Variants in LRFN2 observed in about 807,000 individuals in gnomAD.
LRFN2 encodes the protein leucine rich repeat and fibronectin type III domain containing 2, also known as leucine-rich repeat and fibronectin type-III domain-containing protein 2.
Under a neutral mutation model 37.3 loss-of-function variants are expected in LRFN2, and 18 were observed. The ratio of observed to expected loss-of-function variants is 0.48; its 90% CI spans 0.33 to 0.72. The LOEUF (loss-of-function observed/expected upper bound fraction) is 0.72. LRFN2 is among the 30% of genes least tolerant of loss of function. The pLI is 0.02. For missense variants in LRFN2, 1,006 were observed against 1,060.7 expected (o/e 0.95, Z 0.72); for synonymous variants, 556 against 466.6 (o/e 1.19, Z -2.47).
At chr6:40,519,030 A>C (rs1277578273) in intron 1 of LRFN2, among the ~76,000 whole-genome samples, 1 of 152,058 alleles carries the variant, frequency 6.6e-6, no homozygotes, top group Non-Finnish European at 1.5e-5. Context: ...ACCAGGGCAA[A>C]CCCCAGGGGT....
At chr6:40,461,326 T>G (rs1375209388) in intron 1 of LRFN2, among the ~76,000 whole-genome samples, 2 of 152,068 alleles carry the variant, frequency 1.3e-5, no homozygotes, top group Non-Finnish European at 2.9e-5. Flanking sequence ...GAGGATTGCT[T>G]GAGCCAAGGA....
chr6:40,574,824 G>A (rs1216030593), intron 1 of LRFN2, among the ~76,000 whole-genome samples: 1 of 152,106 alleles, frequency 6.6e-6, no homozygotes, highest in African/African-American at 2.4e-5. Flanking sequence ...CTCTGCCAAG[G>A]ATGGCTCCTT....
chr6:40,399,626 C>T (rs566697448), intron 2 of LRFN2, among the ~76,000 whole-genome samples: 6 of 150,974 alleles, frequency 4.0e-5, no homozygotes, highest in Admixed American at 1.3e-4. Flanking sequence ...TGAGTAGAGG[C>T]GGGGTTTCAC....
Position 40,431,758 on chromosome 6 carries a change from G to A in LRFN2, c.1356C>T (p.Tyr452=), listed in dbSNP as rs765421977. The A allele has an allele frequency of 6.6e-6, 10 of 1,524,604 alleles. No homozygotes were observed. Among genetic ancestry groups the A allele is most frequent in the Non-Finnish European group, 8.8e-6 (10 of 1,136,562 alleles). 94.4% of individuals were successfully genotyped at this position (1,524,604 alleles called of 1,614,324 possible). The change falls in exon 2 of 3, where the codon TAC becomes TAT. Residue 452 remains tyrosine, a synonymous_variant. Transcript: ENST00000338305. ...VSKSAPRVKM[Y]QLQYNCSDDE... is the part of the protein sequence containing the mutation. ...CGTCAGAGCAGTTGTACTGCAGCTG[G>A]TACATCTTCACCCGGGGTGCTGACT...
At chr6:40,413,836 C>T (rs904753494) in intron 2 of LRFN2, among the ~76,000 whole-genome samples, 1 of 150,658 alleles carries the variant, frequency 6.6e-6, no homozygotes, top group Non-Finnish European at 1.5e-5. Context: ...CTTGTTCCTC[C>T]TTATGTGCAG....
Position 40,468,508 on chromosome 6 carries a change from T to C in LRFN2, c.-18-35377A>G, listed in dbSNP as rs530200473. ...CAGATGTAGGTCACAGCCAAGCTTT[T>C]GTTTTGGGTGGTGGGATTGTGTGCA... is the stretch of plus-strand genomic sequence containing the variant. On this transcript the variant is annotated intron_variant, in intron 1 of 2. Coordinates refer to ENST00000338305, the MANE Select transcript of LRFN2 (RefSeq NM_020737.3). Among the ~76,000 whole-genome samples the C allele has an allele frequency of 3.3e-5, 5 of 152,262 alleles. No homozygotes were observed. The East Asian group carries it at 9.6e-4, about 29-fold the overall frequency.
intron 1 of LRFN2, among the ~76,000 whole-genome samples, chr6:40,548,209 G>A (rs1215698148): frequency 6.6e-6 from 1 of 152,278 alleles, no homozygotes; most frequent in Non-Finnish European, 1.5e-5. Context: ...GGAGGCCGAG[G>A]TGGGTGGATC....
chr6:40,559,134 G>A (rs1766945395), intron 1 of LRFN2, among the ~76,000 whole-genome samples: 1 of 152,004 alleles, frequency 6.6e-6, no homozygotes, highest in Non-Finnish European at 1.5e-5. Context: ...GGGGGAGGAT[G>A]GATGGCCGCT....
chr6:40,574,148 A>G (rs972308954), intron 1 of LRFN2, among the ~76,000 whole-genome samples: 3 of 152,216 alleles, frequency 2.0e-5, no homozygotes, highest in Non-Finnish European at 4.4e-5. Flanking sequence ...TGGGAGACAA[A>G]ATGAGAGAAT....
chr6:40,442,422 A>G (rs981659136), intron 1 of LRFN2, among the ~76,000 whole-genome samples: 2 of 152,174 alleles, frequency 1.3e-5, no homozygotes, highest in Admixed American at 1.3e-4. Context: ...CTCCATAATT[A>G]TGGGCTGACA....
intron 1 of LRFN2, among the ~76,000 whole-genome samples, chr6:40,436,936 C>T (rs1763693182): frequency 6.6e-6 from 1 of 152,164 alleles, no homozygotes; most frequent in African/African-American, 2.4e-5. Context: ...CACGAGAGCA[C>T]ATGAACAGCC....
At position 40,507,390 on chromosome 6, in the gene LRFN2, A is replaced by G. The variant is rs941411131; in HGVS notation, c.-18-74259T>C. On this transcript the variant is annotated intron_variant, in intron 1 of 2. Transcript: ENST00000338305. ...CTTATTCTGTGTCAGACATGACACT[A>G]AACCCTGAACACACAGTGTCTCGTT... 2.6e-5 allele frequency among the ~76,000 whole-genome samples: 4 copies of G among 152,208 alleles called. No homozygotes were observed. The East Asian group carries it at 7.7e-4, about 29-fold the overall frequency.
chr6:40,501,347 G>T lies in LRFN2; in HGVS notation c.-18-68216C>A, dbSNP rs563282098. On this transcript the variant is annotated intron_variant, in intron 1 of 2. Transcript: ENST00000338305. ...TTGATTTTATTTTTTTTAAGACAGG[G>T]TCTCACTCTGTCACCCAGGCTGGAG... 3.3e-5 allele frequency among the ~76,000 whole-genome samples: 5 copies of T among 151,828 alleles called. No individual in the cohort carries two copies. The East Asian group carries it at 5.8e-4, about 18-fold the overall frequency.
intron 1 of LRFN2, among the ~76,000 whole-genome samples, chr6:40,451,583 G>A (rs552288432): frequency 2.0e-5 from 3 of 152,204 alleles, no homozygotes; most frequent in Non-Finnish European, 4.4e-5. Context: ...CACCTCTCTA[G>A]TCTGGCCACG....
intron 1 of LRFN2, among the ~76,000 whole-genome samples, chr6:40,465,152 A>G (rs116866449): frequency 0.013 from 2,021 of 152,178 alleles, 57 homozygotes; most frequent in East Asian, 0.081. Flanking sequence ...GCTTTGAGGG[A>G]TGGGGTCATA....
chr6:40,503,520 G>A (rs574885782), intron 1 of LRFN2, among the ~76,000 whole-genome samples: 8 of 152,320 alleles, frequency 5.3e-5, no homozygotes, highest in South Asian at 4.1e-4. Flanking sequence ...GACAGGTAGC[G>A]TTTGGGGACT....
At chr6:40,428,758 T>C (rs1763412703) in intron 2 of LRFN2, among the ~76,000 whole-genome samples, 2 of 152,238 alleles carry the variant, frequency 1.3e-5, no homozygotes, top group South Asian at 2.1e-4. Context: ...ATCAAACACA[T>C]AGTAGCCTGG....
chr6:40,481,456 A>AG (rs1486014610), intron 1 of LRFN2, among the ~76,000 whole-genome samples: 32 of 150,024 alleles, frequency 2.1e-4, no homozygotes, highest in East Asian at 9.8e-4. Context: ...AAAAAAAAAA[A>AG]AGAGAGAAAG....
chr6:40,545,954 C>T (rs1160508162), intron 1 of LRFN2, among the ~76,000 whole-genome samples: 3 of 152,066 alleles, frequency 2.0e-5, no homozygotes, highest in Non-Finnish European at 4.4e-5. Flanking sequence ...CATGCCTGCC[C>T]AGGAATTTAA....
Sources: gnomAD v4.1 joint callset for allele counts (sites outside exome capture counted in the v4.1 genomes callset) on GRCh38, gnomAD v4.1.1 for gene constraint, MANE v1.5 for transcripts, NCBI Gene and HGNC (gene_info 2026-07-23, HGNC 2026-07-21) for gene names.